The following ADAMTSL5 variants were observed in gnomAD, a reference collection of about 807,000 sequenced individuals.
ADAMTSL5 encodes the protein ADAMTS-like protein 5.
A neutral mutation model predicts 51.7 loss-of-function variants in ADAMTSL5; 53 were observed. The ratio of observed to expected loss-of-function variants is 1.03; its 90% CI spans 0.82 to 1.29. ADAMTSL5 has a LOEUF of 1.29. Among genes scored for constraint, ADAMTSL5 ranks in the 50% most tolerant of loss-of-function variants. The pLI is 0.00. For missense variants in ADAMTSL5, 770 were observed against 676.2 expected (o/e 1.14, Z -1.54); for synonymous variants, 285 against 278.7 (o/e 1.02, Z -0.23).
intron 1 of ADAMTSL5, among the ~76,000 whole-genome samples, chr19:1,512,416 C>T (rs571428182): frequency 6.6e-6 from 1 of 152,298 alleles, no homozygotes; most frequent in African/African-American, 2.4e-5. Context: ...TGCGGTGGCT[C>T]ACGCCTGTAA....
At chr19:1,507,210 C>T in intron 9 of ADAMTSL5, 32 bp downstream of exon 9, 2 of 1,517,980 alleles carry the variant, frequency 1.3e-6, no homozygotes, top group South Asian at 2.6e-5. Flanking sequence ...CCCAGCCGAC[C>T]CCCTCTGACC....
chr19:1,507,795 T>G, intron 7 of ADAMTSL5, 152 bp from the exon 8 acceptor site: 3 of 998,024 alleles, frequency 3.0e-6, no homozygotes, highest in South Asian at 1.5e-5. Context: ...ACAATTACTA[T>G]TGCTTCAGTG....
At position 1,506,657 on chromosome 19, in the gene ADAMTSL5, G is replaced by A; in HGVS notation, c.1047C>T (p.Pro349=). Residue 349 remains proline (P), a synonymous_variant, in exon 11 of 12, where the codon CCC becomes CCT. Transcript: ENST00000330475. The surrounding 1 kb of genome is among the most constrained non-coding windows in gnomAD (Gnocchi z 5.6). ...CGCGGGTGTCAGGGCAGGGTGGGCAGGGGTCTGTGGGATGGGCGGTGCTGT... is the reference window on the plus strand; with the variant it reads ...CGCGGGTGTCAGGGCAGGGTGGGCAAGGGTCTGTGGGATGGGCGGTGCTGT... The part of the protein sequence containing the change: ...PAQTPTLAPD[P]CPPCPDTRGR... 1 of 1,606,276 alleles carries A rather than the reference G, an allele frequency of 6.2e-7. No individual in the cohort carries two copies. The highest frequency in any genetic ancestry group is 8.5e-7 in the Non-Finnish European group (1 of 1,177,382).
At position 1,506,508 on chromosome 19, in the gene ADAMTSL5, G is replaced by A. The variant is rs1912931409; in HGVS notation, c.1114+82C>T. 4 of 1,523,762 alleles carry A rather than the reference G, an allele frequency of 2.6e-6. No individual in the cohort carries two copies. Among genetic ancestry groups the A allele is most frequent in the East Asian group, 2.3e-5 (1 of 43,282 alleles). 94.4% of individuals were successfully genotyped at this position (1,523,762 alleles called of 1,614,324 possible). ...AATTAGGATCAGAAGAAGGGGTCAAGGGTAAAGTCAGATTAGGGTCAGAGG... is the reference window on the plus strand; with the variant it reads ...AATTAGGATCAGAAGAAGGGGTCAAAGGTAAAGTCAGATTAGGGTCAGAGG... On this transcript the variant is annotated intron_variant, in intron 11 of 11. Transcript: ENST00000330475. The surrounding 1 kb of genome is among the most constrained non-coding windows in gnomAD (Gnocchi z 5.6).
rs1419014666 is a variant in ADAMTSL5, at chr19:1,507,165, C to T, written c.852+77G>A. On this transcript the variant is annotated intron_variant, in intron 9 of 11. Transcript: ENST00000330475. ...CCCCTTCTGGCCCCAGTCACCTCCA[C>T]TCCTACCCTCTGTCCCCAGCCTCTC... is the stretch of plus-strand genomic sequence containing the variant. The T allele has an allele frequency of 4.0e-6, 6 of 1,506,444 alleles. No individual in the cohort carries two copies. The African/African-American group carries it at 5.6e-5, about 14-fold the overall frequency. The allele number at this position is 1,506,444 out of a possible 1,614,324, so 93.3% of individuals were successfully genotyped here.
At chr19:1,510,511 A>C in intron 3 of ADAMTSL5, 83 bp from the exon 4 acceptor site, 1 of 1,509,502 alleles carries the variant, frequency 6.6e-7, no homozygotes, top group Non-Finnish European at 8.9e-7. Context: ...CGCCAACCCC[A>C]CCCGCATTCC....
rs1555693708 is a variant in ADAMTSL5 at position 1,511,180 on chromosome 19, TAG to T, written c.-217-22_-217-21del. On this transcript the variant is annotated intron_variant, in intron 1 of 11. Transcript: ENST00000330475. ...TGTCATCTGCAATTATTATTGTTGT[TAG>T]TTAGTTTGTTTTTGAGACGGAGTCT... 8 of 297,158 alleles carry T rather than the reference TAG, an allele frequency of 2.7e-5. No individual in the cohort carries two copies. The highest frequency in any genetic ancestry group is 4.6e-5 in the East Asian group (1 of 21,784). 18.4% of individuals were successfully genotyped at this position (297,158 alleles called of 1,614,324 possible). A position where few individuals can be genotyped will look rare whatever the true frequency, so the allele number is the denominator to read the frequency against.
rs566189355 is a variant in ADAMTSL5 at position 1,505,817 on chromosome 19, G to A, written c.*198C>T. ...GAGTCTCCTTAGTGCCTCCTCACCA[G>A]TGCCTGCCGGCTTGTGACAGTGGCT... On this transcript the variant is annotated 3_prime_UTR_variant, in exon 12 of 12. Transcript: ENST00000330475. 22 of 631,604 alleles carry A rather than the reference G, an allele frequency of 3.5e-5. No individual in the cohort carries two copies. In the South Asian group the frequency reaches 4.9e-4, roughly 14 times the overall value. 39.1% of individuals were successfully genotyped at this position (631,604 alleles called of 1,614,324 possible).
Position 1,507,260 on chromosome 19 carries a change from G to C in ADAMTSL5, c.834C>G (p.Ser278=), listed in dbSNP as rs781614576. Residue 278 remains serine, a synonymous_variant, in exon 9 of 12, where the codon TCC becomes TCG. Coordinates refer to ENST00000330475, the MANE Select transcript of ADAMTSL5 (RefSeq NM_213604.3). ...QETLQAAGPT[S]HDLLLQVLLQ... ...GTGGCACCTGTAGGAGCAGGTCATGGGAGGTGGGCCCGGCTGCTTGCAATG... is the reference window on the plus strand; with the variant it reads ...GTGGCACCTGTAGGAGCAGGTCATGCGAGGTGGGCCCGGCTGCTTGCAATG... 1 of 1,548,188 alleles carries C rather than the reference G, an allele frequency of 6.5e-7. No individual in the cohort carries two copies. The highest frequency in any genetic ancestry group is 2.3e-5 in the East Asian group (1 of 44,370).
chr19:1,506,824 C>T lies in ADAMTSL5; in HGVS notation c.957G>A (p.Leu319=). ...QARVQALGWP[L]RQPQPRGVEP... The stretch of plus-strand genomic sequence containing the variant: ...CCACCCCCCGGGGCTGAGGCTGCCT[C>T]AGGGGCCAGCCCAGGGCCTGCACAC... Residue 319 remains leucine, a synonymous_variant, in exon 10 of 12, where the codon CTG becomes CTA. Transcript: ENST00000330475. The surrounding 1 kb of genome is among the most constrained non-coding windows in gnomAD (Gnocchi z 5.6). 6.5e-7 allele frequency: 1 copy of T among 1,541,074 alleles called. No homozygotes were observed. The highest frequency in any genetic ancestry group is 2.4e-5 in the East Asian group (1 of 40,904).
intron 5 of ADAMTSL5, among the ~76,000 whole-genome samples, chr19:1,509,771 C>G (rs772726302): frequency 6.6e-6 from 1 of 152,174 alleles, no homozygotes; most frequent in African/African-American, 2.4e-5. Flanking sequence ...CTGCCTTCCC[C>G]ATGGCGTGTG....
chr19:1,510,902 C>G lies in ADAMTSL5; in HGVS notation c.42G>C (p.Gln14His). The G allele has an allele frequency of 1.3e-6, 2 of 1,507,144 alleles. No homozygotes were observed. The highest frequency in any genetic ancestry group is 1.8e-6 in the Non-Finnish European group (2 of 1,136,784). The allele number at this position is 1,507,144 out of a possible 1,614,324, so 93.4% of individuals were successfully genotyped here. Reference protein sequence around the residue: ...APLFPRPHLFQNLLLFLWALL... With the variant: ...APLFPRPHLFHNLLLFLWALL... ...GGGCCCACAGGAAGAGCAGGAGGTT[C>G]TGGAAGAGGTGGGGCCTGGGGAACA... The change falls in exon 2 of 12, where the codon CAG becomes CAC. Residue 14 changes from glutamine (Q) to histidine (H), a missense_variant. Physicochemically the swap from Gln to His is conservative, Grantham distance 24 (BLOSUM62 0). Transcript: ENST00000330475.
In ADAMTSL5 at chr19:1,505,701, G is replaced by A. The variant is rs143407391; in HGVS notation, c.*314C>T. ...CAGTGTCTCCAAGCAAGTGTGACGC[G>A]CGCAAAGAGAAAGAAAGCAGCGTTA... is the stretch of plus-strand genomic sequence containing the variant. On this transcript the variant is annotated 3_prime_UTR_variant, in exon 12 of 12. Transcript: ENST00000330475. The A allele has an allele frequency of 7.8e-4, 236 of 301,790 alleles. 1 individual carries two copies. Among genetic ancestry groups the A allele is most frequent in the African/African-American group, 4.4e-3 (200 of 45,732 alleles). The allele number at this position is 301,790 out of a possible 1,614,324, so 18.7% of individuals were successfully genotyped here.
At chr19:1,509,911 A>G (rs1283742769) in intron 5 of ADAMTSL5, among the ~76,000 whole-genome samples, 2 of 152,144 alleles carry the variant, frequency 1.3e-5, no homozygotes, top group African/African-American at 2.4e-5. Flanking sequence ...TGGCCTCTGG[A>G]TACAGCTCTA....
At chr19:1,507,202 C>T in intron 9 of ADAMTSL5, 40 bp downstream of exon 9, 2 of 1,518,280 alleles carry the variant, frequency 1.3e-6, no homozygotes, top group Non-Finnish European at 1.8e-6. Flanking sequence ...CCTCTGTCCC[C>T]AGCCGACCCC....
In ADAMTSL5 at chr19:1,510,525, G is replaced by A. The variant is rs545684821; in HGVS notation, c.192-97C>T. The A allele has an allele frequency of 4.5e-5, 68 of 1,497,566 alleles. No individual in the cohort carries two copies. The African/African-American group carries it at 7.1e-4, about 16-fold the overall frequency. 92.8% of individuals were successfully genotyped at this position (1,497,566 alleles called of 1,614,324 possible). On this transcript the variant is annotated intron_variant, in intron 3 of 11. Coordinates refer to ENST00000330475, the MANE Select transcript of ADAMTSL5 (RefSeq NM_213604.3). ...CCGCCAACCCCACCCGCATTCCAGC[G>A]GGATCAGGGGGATTAAAGGGCACAG... is the stretch of plus-strand genomic sequence containing the variant.
In ADAMTSL5 at chr19:1,506,075, C is replaced by T; in HGVS notation, c.1356G>A (p.Arg452=). 1 of 1,597,018 alleles carries T rather than the reference C, an allele frequency of 6.3e-7. No individual in the cohort carries two copies. The highest frequency in any genetic ancestry group is 1.7e-4 in the Middle Eastern group (1 of 5,752). The change falls in exon 12 of 12, where the codon CGG becomes CGA. Residue 452 remains arginine (R), a synonymous_variant. Coordinates refer to ENST00000330475, the MANE Select transcript of ADAMTSL5 (RefSeq NM_213604.3). This position sits in a 1 kb window ranked among gnomAD's most constrained non-coding sequence, Gnocchi z 5.6. The part of the protein sequence containing the change: ...QLLLPHAGYA[R]PWSPAEDSRI... ...GGCTGTCCTCCGCAGGGCTCCAGGGCCGGGCGTAGCCGGCGTGGGGCAGCA... is the reference window on the plus strand; with the variant it reads ...GGCTGTCCTCCGCAGGGCTCCAGGGTCGGGCGTAGCCGGCGTGGGGCAGCA...
chr19:1,507,896 G>A, intron 7 of ADAMTSL5, 102 bp downstream of exon 7: 1 of 1,298,448 alleles, frequency 7.7e-7, no homozygotes, highest in Non-Finnish European at 1.1e-6. Flanking sequence ...AGGGGGGCTG[G>A]GCCGCACACT....
At chr19:1,512,441 G>A (rs955760228) in intron 1 of ADAMTSL5, among the ~76,000 whole-genome samples, 6 of 152,114 alleles carry the variant, frequency 3.9e-5, no homozygotes, top group Admixed American at 6.5e-5. Flanking sequence ...AGCACTTTGG[G>A]AGGCCAAGAC....
Sources: allele counts gnomAD v4.1 joint callset (sites outside exome capture counted in the v4.1 genomes callset), GRCh38; gene constraint gnomAD v4.1.1; non-coding constraint Gnocchi (gnomAD v3.1); transcripts MANE v1.5; gene names NCBI Gene and HGNC (gene_info 2026-07-23, HGNC 2026-07-21).